ABL2: variants seen among roughly 807,000 people sequenced by gnomAD.
The protein encoded by ABL2 is ABL proto-oncogene 2, non-receptor tyrosine kinase.
In ABL2, 49 loss-of-function variants were observed where a neutral mutation model predicts 107.7. The ratio of observed to expected loss-of-function variants is 0.45; its 90% CI spans 0.36 to 0.58. The LOEUF is 0.58. Ranked by LOEUF, ABL2 falls within the 20% of genes least tolerant of loss-of-function variation. The pLI is 0.00. For missense variants in ABL2, 1,245 were observed against 1,457.0 expected, an observed-to-expected ratio of 0.85 and a Z score of 2.37; for synonymous variants, 549 against 548.6, an observed-to-expected ratio of 1.00 and a Z score of -0.01.
chr1:179,180,873 AG>A (rs963504246), intron 1 of ABL2, among the ~76,000 whole-genome samples: 51 of 152,240 alleles, frequency 3.3e-4, no homozygotes, highest in African/African-American at 1.2e-3. Context: ...TCACATTTAA[AG>A]AATTCTTCCA....
Position 179,103,961 on chromosome 1 carries a change from C to A in ABL2, c.*3757G>T, listed in dbSNP as rs903891620. ...AGCACTGGGTGTTTCAAACACCTGG[C>A]GAGATTACTGGAGAATACACTGGCC... is the stretch of plus-strand genomic sequence containing the variant. On this transcript the variant is annotated 3_prime_UTR_variant, in exon 12 of 12. Transcript: ENST00000502732. 2 of 233,038 alleles carry A rather than the reference C, an allele frequency of 8.6e-6. No homozygotes were observed. Among genetic ancestry groups the A allele is most frequent in the African/African-American group, 2.2e-5 (1 of 45,290 alleles). 14.4% of individuals were successfully genotyped at this position (233,038 alleles called of 1,614,324 possible). A position where few individuals can be genotyped will look rare whatever the true frequency, so the allele number is the denominator to read the frequency against.
At chr1:179,158,608 T>C (rs926442482) in intron 1 of ABL2, among the ~76,000 whole-genome samples, 1 of 152,186 alleles carries the variant, frequency 6.6e-6, no homozygotes, top group Non-Finnish European at 1.5e-5. Flanking sequence ...CTAACGTAAG[T>C]CCTTTTCCAT....
At chr1:179,184,481 G>A (rs1224922153) in intron 1 of ABL2, 5 of 840,188 alleles carry the variant, frequency 6.0e-6, no homozygotes, top group African/African-American at 1.7e-5. Context: ...GTGCTCATAT[G>A]TTAGGAAAGT....
chr1:179,120,122 G>T, intron 6 of ABL2, 68 bp downstream of exon 6: 4 of 941,724 alleles, frequency 4.2e-6, no homozygotes, highest in Non-Finnish European at 6.4e-6. Context: ...AAAAGCATTT[G>T]GAGATAACAA....
At chr1:179,174,702 T>C (rs1420693330) in intron 1 of ABL2, among the ~76,000 whole-genome samples, 3 of 151,590 alleles carry the variant, frequency 2.0e-5, no homozygotes, top group Non-Finnish European at 4.4e-5. Context: ...ATCCCAGCCC[T>C]TTGGGAGGTT....
chr1:179,206,035 TTACAG>T (rs1264432892), intron 1 of ABL2, among the ~76,000 whole-genome samples: 1 of 152,156 alleles, frequency 6.6e-6, no homozygotes, highest in Non-Finnish European at 1.5e-5. Context: ...GGACATTGAA[TTACAG>T]GGATGTTGAA....
At chr1:179,153,884 T>G (rs1658521352) in intron 1 of ABL2, among the ~76,000 whole-genome samples, 3 of 151,864 alleles carry the variant, frequency 2.0e-5, no homozygotes, top group African/African-American at 7.2e-5. Context: ...GCAACAAAAA[T>G]CCATTTTGTT....
At chr1:179,207,951 T>C (rs567831045) in intron 1 of ABL2, among the ~76,000 whole-genome samples, 222 of 152,304 alleles carry the variant, frequency 1.5e-3, no homozygotes, top group African/African-American at 5.3e-3. Context: ...GTCATTCTAA[T>C]TATCTCTTAA....
In ABL2 at chr1:179,161,236, A is replaced by G. The variant is rs553192011; in HGVS notation, c.158-27862T>C. Among the ~76,000 whole-genome samples the G allele has an allele frequency of 2.0e-5, 3 of 152,240 alleles. No homozygotes were observed. The East Asian group carries it at 5.8e-4, about 29-fold the overall frequency. ...TTATAATGCTAATTTTCAAGATTTA[A>G]GCCTGGCACAATAGTGCCCATCTGT... is the stretch of plus-strand genomic sequence containing the variant. On this transcript the variant is annotated intron_variant, in intron 1 of 11. Coordinates refer to ENST00000502732, the MANE Select transcript of ABL2 (RefSeq NM_007314.4).
At chr1:179,187,121 T>C (rs962385614) in intron 1 of ABL2, among the ~76,000 whole-genome samples, 9 of 152,224 alleles carry the variant, frequency 5.9e-5, no homozygotes, top group African/African-American at 1.4e-4. Flanking sequence ...GTCTCTCTTA[T>C]ATGTGATTTC....
At chr1:179,176,179 C>A (rs920933938) in intron 1 of ABL2, among the ~76,000 whole-genome samples, 1 of 151,500 alleles carries the variant, frequency 6.6e-6, no homozygotes, top group Admixed American at 6.6e-5. Context: ...TTACCACAGT[C>A]TCTACAGTCA....
chr1:179,135,725 G>C lies in ABL2; in HGVS notation c.158-2351C>G, dbSNP rs1377723399. Among the ~76,000 whole-genome samples the C allele has an allele frequency of 2.7e-5, 4 of 145,542 alleles. No individual in the cohort carries two copies. The East Asian group carries it at 8.4e-4, about 31-fold the overall frequency. ...TGCCTCTGCCCGGCCGCCCCTACTG[G>C]GAAGTGAGGAGCCCCTCTGCCCGGC... On this transcript the variant is annotated intron_variant, in intron 1 of 11. Transcript: ENST00000502732.
chr1:179,164,052 A>T (rs1470942645), intron 1 of ABL2, among the ~76,000 whole-genome samples: 1 of 152,184 alleles, frequency 6.6e-6, no homozygotes, highest in Non-Finnish European at 1.5e-5. Context: ...AAGGGGGGGA[A>T]TATGTGACTA....
At chr1:179,135,460 G>T (rs1158393730) in intron 1 of ABL2, among the ~76,000 whole-genome samples, 1 of 145,982 alleles carries the variant, frequency 6.9e-6, no homozygotes, top group South Asian at 2.2e-4. Flanking sequence ...CCTGGCAACC[G>T]CCCCGTCTGA....
Position 179,107,688 on chromosome 1 carries a change from G to C in ABL2, c.*30C>G. On this transcript the variant is annotated 3_prime_UTR_variant, in exon 12 of 12. Coordinates refer to ENST00000502732, the MANE Select transcript of ABL2 (RefSeq NM_007314.4). ...TCCTTTTCCCTCTCCCCTCAGAAAT[G>C]TGTGCATTTTCCCACCAGGCTAACA... 6.4e-7 allele frequency: 1 copy of C among 1,561,940 alleles called. No individual in the cohort carries two copies. The highest frequency in any genetic ancestry group is 8.7e-7 in the Non-Finnish European group (1 of 1,153,288).
chr1:179,122,623 T>A (rs1342873146), intron 4 of ABL2, among the ~76,000 whole-genome samples: 1 of 151,878 alleles, frequency 6.6e-6, no homozygotes, highest in African/African-American at 2.4e-5. Context: ...TATACTCAAA[T>A]TATGTATTTT....
chr1:179,180,520 T>A (rs1660314139), intron 1 of ABL2, among the ~76,000 whole-genome samples: 1 of 152,092 alleles, frequency 6.6e-6, no homozygotes, highest in Non-Finnish European at 1.5e-5. Context: ...TGTTCTATCA[T>A]CAGACTTCAC....
intron 1 of ABL2, among the ~76,000 whole-genome samples, chr1:179,149,754 T>C (rs1658248923): frequency 6.6e-6 from 1 of 152,226 alleles, no homozygotes; most frequent in Non-Finnish European, 1.5e-5. Context: ...TAGTGAATAT[T>C]TTAAGCCCAC....
chr1:179,113,912 C>T lies in ABL2; in HGVS notation c.1561+966G>A, dbSNP rs1021987424. Among the ~76,000 whole-genome samples, 22 of 149,488 alleles carry T rather than the reference C, an allele frequency of 1.5e-4. No individual in the cohort carries two copies. In the Admixed American group the frequency reaches 1.5e-3, roughly 10 times the overall value. On this transcript the variant is annotated intron_variant, in intron 9 of 11. Coordinates refer to ENST00000502732, the MANE Select transcript of ABL2 (RefSeq NM_007314.4). ...TCGCGCCACTGCACTCCAGCCTGGG[C>T]GACAGAGCGAGACTCCGTCTCAAAA...
Sources: allele counts gnomAD v4.1 joint callset (sites outside exome capture counted in the v4.1 genomes callset), GRCh38; gene constraint gnomAD v4.1.1; transcripts MANE v1.5; gene names NCBI Gene and HGNC (gene_info 2026-07-23, HGNC 2026-07-21).